Variants in LRCH1 observed in about 807,000 individuals in gnomAD.
LRCH1 encodes the protein leucine rich repeats and calponin homology domain containing 1.
LRCH1 carries 23 observed loss-of-function variants against 94.9 expected under a neutral mutation model. The ratio of observed to expected loss-of-function variants is 0.24; its 90% CI spans 0.17 to 0.34. The LOEUF (loss-of-function observed/expected upper bound fraction) is 0.34. LRCH1 is among the 10% of genes least tolerant of loss of function. The pLI is 1.00. For synonymous variants in LRCH1, 364 were observed against 354.9 expected, an observed-to-expected ratio of 1.03 and a Z score of -0.29; for missense variants, 790 against 945.9, an observed-to-expected ratio of 0.84 and a Z score of 2.16.
intron 1 of LRCH1, among the ~76,000 whole-genome samples, chr13:46,618,500 G>A (rs987723116): frequency 6.6e-6 from 1 of 152,144 alleles, no homozygotes; most frequent in African/African-American, 2.4e-5. Flanking sequence ...CTTCTGTGCT[G>A]TCTTGCACTG....
chr13:46,629,168 G>A (rs1428079574), intron 1 of LRCH1, among the ~76,000 whole-genome samples: 1 of 152,118 alleles, frequency 6.6e-6, no homozygotes, highest in African/African-American at 2.4e-5. Context: ...GGCTGCCTAG[G>A]GGCAAAATCA....
intron 1 of LRCH1, among the ~76,000 whole-genome samples, chr13:46,615,328 G>A (rs2050795110): frequency 1.3e-5 from 2 of 152,174 alleles, no homozygotes; most frequent in Admixed American, 1.3e-4. Context: ...GAGAGAGCAA[G>A]GGAGGAGGGG....
chr13:46,716,715 T>C (rs1039692097), intron 16 of LRCH1, among the ~76,000 whole-genome samples: 26 of 152,212 alleles, frequency 1.7e-4, no homozygotes, highest in African/African-American at 5.5e-4. Flanking sequence ...ATGTATACTT[T>C]GGCAGAGTAG....
intron 4 of LRCH1, among the ~76,000 whole-genome samples, chr13:46,683,893 G>C (rs532425614): frequency 2.6e-5 from 4 of 151,920 alleles, no homozygotes; most frequent in South Asian, 4.1e-4. Context: ...GTTCCTTTTT[G>C]CTTCCCTCTG....
At chr13:46,585,562 A>C (rs897913745) in intron 1 of LRCH1, among the ~76,000 whole-genome samples, 1 of 151,920 alleles carries the variant, frequency 6.6e-6, no homozygotes. Flanking sequence ...CAAAAAAAAA[A>C]AAAAAAAAAC....
chr13:46,724,550 G>A (rs1020376080), intron 17 of LRCH1, among the ~76,000 whole-genome samples: 1 of 152,166 alleles, frequency 6.6e-6, no homozygotes, highest in African/African-American at 2.4e-5. Flanking sequence ...GACCATGGCT[G>A]TCTTATTTCT....
chr13:46,716,217 G>C (rs9595519), intron 16 of LRCH1, among the ~76,000 whole-genome samples: 2 of 152,046 alleles, frequency 1.3e-5, no homozygotes, highest in African/African-American at 4.8e-5. Context: ...CTTGAGTATA[G>C]GTTCATCTTT....
intron 2 of LRCH1, among the ~76,000 whole-genome samples, chr13:46,661,617 G>T (rs1259364251): frequency 6.6e-6 from 1 of 152,286 alleles, no homozygotes; most frequent in East Asian, 1.9e-4. Flanking sequence ...GTTATTAGTA[G>T]TTGTCAAGTT....
Position 46,723,239 on chromosome 13 carries a change from G to T in LRCH1, c.1778G>T (p.Arg593Ile), listed in dbSNP as rs769218345. The change falls in exon 17 of 20, where the codon AGA (arginine) becomes ATA (isoleucine). Residue 593 changes from arginine (R) to isoleucine (I), a missense_variant. By Grantham distance (97) the Arg-to-Ile change is moderately conservative. Around this residue, in one of 3 missense-constraint regions of LRCH1, gnomAD observed 460 missense variants for 508.9 expected, o/e 0.90. Transcript: ENST00000389797. Reference protein sequence around the residue: ...DSDNVFLRPQRNLESIDPQFT... With the variant: ...DSDNVFLRPQINLESIDPQFT... ...ATTGTAGTGTTTCTAAGACCTCAGA[G>T]AAATTTGGAATCTATAGACCCGCAG... 1.2e-6 allele frequency: 2 copies of T among 1,611,570 alleles called. No homozygotes were observed. Among genetic ancestry groups the T allele is most frequent in the African/African-American group, 2.7e-5 (2 of 74,900 alleles).
intron 1 of LRCH1, among the ~76,000 whole-genome samples, chr13:46,583,379 A>T (rs2050394826): frequency 6.6e-6 from 1 of 152,256 alleles, no homozygotes; most frequent in Non-Finnish European, 1.5e-5. Context: ...TTGATAAATT[A>T]AGTCAATGAT....
chr13:46,637,726 A>C (rs1467605), intron 1 of LRCH1, among the ~76,000 whole-genome samples: 127,310 of 151,514 alleles, frequency 0.84, 54,018 homozygotes, highest in African/African-American at 0.96. Context: ...TTTTTTTCTT[A>C]TTATTTTTCT....
Position 46,742,150 on chromosome 13 carries a change from T to C in LRCH1, c.*302T>C. ...AGTGCCACGCAGTTCCTCCTCTCCC[T>C]CCCGGTGAGCTGCTGCCCTGGGCAG... On this transcript the variant is annotated 3_prime_UTR_variant, in exon 20 of 20. Transcript: ENST00000389797. 8.3e-7 allele frequency: 1 copy of C among 1,209,212 alleles called. No individual in the cohort carries two copies. The allele number at this position is 1,209,212 out of a possible 1,614,324, so 74.9% of individuals were successfully genotyped here. A position where few individuals can be genotyped will look rare whatever the true frequency, so the allele number is the denominator to read the frequency against.
chr13:46,585,287 C>T (rs1173656942), intron 1 of LRCH1, among the ~76,000 whole-genome samples: 1 of 152,156 alleles, frequency 6.6e-6, no homozygotes, highest in Non-Finnish European at 1.5e-5. Context: ...CATAAGAATG[C>T]ATTTCTAGAG....
At chr13:46,591,022 A>G (rs2050493935) in intron 1 of LRCH1, among the ~76,000 whole-genome samples, 1 of 151,960 alleles carries the variant, frequency 6.6e-6, no homozygotes, top group African/African-American at 2.4e-5. Context: ...ACCTGTGGAA[A>G]TATAGGGACT....
chr13:46,705,073 G>A lies in LRCH1; in HGVS notation c.1406G>A (p.Ser469Asn), dbSNP rs773665204. 12 of 1,553,148 alleles carry A rather than the reference G, an allele frequency of 7.7e-6. No homozygotes were observed. Among genetic ancestry groups the A allele is most frequent in the Admixed American group, 1.8e-5 (1 of 54,868 alleles). ...VDLLQDPNGL[S>N]TDITERSVLN... is the part of the protein sequence containing the mutation. Reference sequence around the variant, plus strand: ...CTTTTTTTCCTACTCTTTAGATTAAGCACAGATATTACAGAGAGAAGTGTT... The same window carrying A: ...CTTTTTTTCCTACTCTTTAGATTAAACACAGATATTACAGAGAGAAGTGTT... The change falls in exon 12 of 20, where the codon AGC becomes AAC. Residue 469 changes from serine to asparagine, a missense_variant. Transcript: ENST00000389797.
intron 1 of LRCH1, among the ~76,000 whole-genome samples, chr13:46,599,710 C>T (rs1451262695): frequency 6.6e-6 from 1 of 152,136 alleles, no homozygotes; most frequent in East Asian, 1.9e-4. Flanking sequence ...GTTTCTAGCC[C>T]CTCAATTATG....
chr13:46,684,918 A>C (rs1235456459), intron 4 of LRCH1, among the ~76,000 whole-genome samples: 1 of 152,228 alleles, frequency 6.6e-6, no homozygotes, highest in Non-Finnish European at 1.5e-5. Flanking sequence ...AGTAAAGTGA[A>C]GACTGAAGAG....
At chr13:46,560,140 C>CATATATATATATATAT (rs58876595) in intron 1 of LRCH1, among the ~76,000 whole-genome samples, 3,968 of 133,772 alleles carry the variant, frequency 0.03, 182 homozygotes, top group African/African-American at 0.094. Flanking sequence ...TCTGTTCCCC[C>CATATATATATATATAT]ATATATATAG....
intron 3 of LRCH1, among the ~76,000 whole-genome samples, chr13:46,678,135 T>G (rs756940112): frequency 1.3e-5 from 2 of 152,216 alleles, no homozygotes; most frequent in Non-Finnish European, 2.9e-5. Flanking sequence ...CGTATCTTCT[T>G]TAAATCAGTC....
Sources: allele counts gnomAD v4.1 joint callset (sites outside exome capture counted in the v4.1 genomes callset), GRCh38; gene constraint gnomAD v4.1.1; regional missense constraint gnomAD v4.1.1; transcripts MANE v1.5; gene names NCBI Gene and HGNC (gene_info 2026-07-23, HGNC 2026-07-21).